The following AOPEP variants were observed in gnomAD, a reference collection of about 807,000 sequenced individuals.
AOPEP encodes the protein aminopeptidase O.
AOPEP carries 77 observed loss-of-function variants against 98.1 expected under a neutral mutation model. The observed-to-expected ratio is 0.78, with a 90% CI of 0.65 to 0.95. The LOEUF is 0.95. Among genes scored for constraint, AOPEP ranks in the 40% least tolerant of loss-of-function variants. AOPEP has a pLI of 0.00. For synonymous variants in AOPEP, 346 were observed against 365.3 expected, an observed-to-expected ratio of 0.95 and a Z score of 0.60; for missense variants, 1,024 against 1,024.7, an observed-to-expected ratio of 1.00 and a Z score of 0.01.
intron 1 of AOPEP, among the ~76,000 whole-genome samples, chr9:94,752,449 A>C (rs1836040074): frequency 6.6e-6 from 1 of 152,096 alleles, no homozygotes; most frequent in Admixed American, 6.6e-5. Context: ...CTAATAACAA[A>C]ATTCTTTCTT....
intron 5 of AOPEP, among the ~76,000 whole-genome samples, chr9:94,860,996 C>T (rs539121578): frequency 6.6e-5 from 10 of 152,276 alleles, no homozygotes; most frequent in Middle Eastern, 3.4e-3. Context: ...CAGTCAGATT[C>T]GGTGCTTTTT....
At position 95,082,580 on chromosome 9, in the gene AOPEP, G is replaced by A. The variant is rs1388491195; in HGVS notation, c.2325G>A (p.Met775Ile). Residue 775 changes from methionine (M) to isoleucine (I), a missense_variant, in exon 16 of 17, where the codon ATG (methionine) becomes ATA (isoleucine). By Grantham distance (10) the Met-to-Ile change is conservative (BLOSUM62 1). Transcript: ENST00000375315. ...VERFLQEDQA[M>I]GVYLYGELMV... ...TTGGCCTCTGTGCCCTGCAGGCCAT[G>A]GGTGTGTACCTCTACGGGGAGCTGA... The A allele has an allele frequency of 1.2e-6, 2 of 1,614,136 alleles. No individual in the cohort carries two copies. Among genetic ancestry groups the A allele is most frequent in the Non-Finnish European group, 1.7e-6 (2 of 1,180,026 alleles).
At chr9:94,795,524 C>T (rs879182005) in intron 4 of AOPEP, among the ~76,000 whole-genome samples, 1 of 152,196 alleles carries the variant, frequency 6.6e-6, no homozygotes, top group Admixed American at 6.5e-5. Flanking sequence ...TCTAAGGCCT[C>T]AGCATTGATT....
intron 11 of AOPEP, among the ~76,000 whole-genome samples, chr9:94,979,755 T>G (rs1010002753): frequency 1.3e-5 from 2 of 150,390 alleles, no homozygotes; most frequent in Admixed American, 6.6e-5. Context: ...GGGCAGGTGG[T>G]GGGGGGGCAG....
chr9:95,138,739 C>A, the AOPEP span, among the ~76,000 whole-genome samples: 1 of 152,200 alleles, frequency 6.6e-6, no homozygotes, highest in Non-Finnish European at 1.5e-5. Context: ...TGCTGCAGCA[C>A]TCAGGCCAGG....
chr9:94,793,000 G>T, intron 4 of AOPEP, 82 bp downstream of exon 4: 1 of 1,403,986 alleles, frequency 7.1e-7, no homozygotes. Context: ...CCAAGCACTG[G>T]GAATGTGAGT....
At chr9:94,816,957 G>A (rs941311459) in intron 5 of AOPEP, among the ~76,000 whole-genome samples, 11 of 152,168 alleles carry the variant, frequency 7.2e-5, no homozygotes, top group African/African-American at 2.7e-4. Context: ...TTGCAAAATG[G>A]TATTACAATT....
chr9:94,904,972 C>A (rs1003660249), intron 5 of AOPEP, among the ~76,000 whole-genome samples: 28 of 152,158 alleles, frequency 1.8e-4, no homozygotes, highest in Non-Finnish European at 2.4e-4. Context: ...TTGCATTTAA[C>A]AAATTAGTAT....
At chr9:95,089,547 G>A (rs1483383290), downstream of AOPEP, among the ~76,000 whole-genome samples, 1 of 152,210 alleles carries the variant, frequency 6.6e-6, no homozygotes, top group Non-Finnish European at 1.5e-5. Flanking sequence ...CTCCCCAGCT[G>A]TGGGCCCTTC....
intron 3 of AOPEP, among the ~76,000 whole-genome samples, chr9:94,774,311 C>CAAAAAA (rs34936539): frequency 1.3e-4 from 9 of 67,806 alleles, no homozygotes; most frequent in Admixed American, 1.9e-4. Context: ...GACTCCATCT[C>CAAAAAA]AAAAAAAAAA....
At chr9:95,041,841 ACCT>A (rs938734641) in intron 13 of AOPEP, among the ~76,000 whole-genome samples, 1 of 151,970 alleles carries the variant, frequency 6.6e-6, no homozygotes, top group African/African-American at 2.4e-5. Flanking sequence ...AGGCCCGTAG[ACCT>A]CCTATCTAGC....
chr9:95,069,494 C>G (rs2134048101), intron 14 of AOPEP, among the ~76,000 whole-genome samples: 1 of 147,032 alleles, frequency 6.8e-6, no homozygotes, highest in African/African-American at 2.7e-5. Context: ...GGAAGGAAGG[C>G]AAACTGTGCC....
the AOPEP span, among the ~76,000 whole-genome samples, chr9:95,109,961 T>C: frequency 6.6e-6 from 1 of 152,134 alleles, no homozygotes; most frequent in Non-Finnish European, 1.5e-5. Context: ...CATACACCAA[T>C]GCCTCAGGCA....
At chr9:94,862,722 A>G (rs1234974913) in intron 5 of AOPEP, among the ~76,000 whole-genome samples, 1 of 152,036 alleles carries the variant, frequency 6.6e-6, no homozygotes, top group Non-Finnish European at 1.5e-5. Flanking sequence ...CACACTGCAC[A>G]GTTTTGCACT....
chr9:94,935,840 C>T (rs2056187908), intron 7 of AOPEP, among the ~76,000 whole-genome samples: 1 of 152,176 alleles, frequency 6.6e-6, no homozygotes, highest in Non-Finnish European at 1.5e-5. Flanking sequence ...CTGGTTACCC[C>T]ACAGTCATCT....
At chr9:94,757,940 T>C (rs1208328909) in intron 1 of AOPEP, among the ~76,000 whole-genome samples, 1 of 152,216 alleles carries the variant, frequency 6.6e-6, no homozygotes, top group African/African-American at 2.4e-5. Context: ...GGACAGAAAA[T>C]ACTCTGGCTT....
intron 7 of AOPEP, among the ~76,000 whole-genome samples, chr9:94,951,570 G>A (rs574464391): frequency 6.6e-6 from 1 of 152,342 alleles, no homozygotes; most frequent in East Asian, 1.9e-4. Flanking sequence ...TGGCACAGAG[G>A]ATAACCAGGA....
At chr9:95,012,977 G>GTT (rs373067434) in intron 13 of AOPEP, among the ~76,000 whole-genome samples, 2 of 21,868 alleles carry the variant, frequency 9.1e-5, no homozygotes, top group African/African-American at 1.3e-4. Flanking sequence ...GAGTTTTCCT[G>GTT]TTTTTTTTTT....
intron 10 of AOPEP, 30 bp from the exon 11 acceptor site, chr9:94,979,337 C>T (rs371960229): frequency 1.9e-5 from 29 of 1,512,920 alleles, no homozygotes; most frequent in Non-Finnish European, 2.5e-5. Flanking sequence ...ACTTTTTAAT[C>T]CTTTACTTTT....
Sources: gnomAD v4.1 joint callset for allele counts (sites outside exome capture counted in the v4.1 genomes callset) on GRCh38, gnomAD v4.1.1 for gene constraint, MANE v1.5 for transcripts, NCBI Gene and HGNC (gene_info 2026-07-23, HGNC 2026-07-21) for gene names.